The following NUP133 variants were observed in gnomAD, a reference collection of about 807,000 sequenced individuals.
The protein encoded by NUP133 is nucleoporin 133, also known as nuclear pore complex protein Nup133.
A neutral mutation model predicts 146.2 loss-of-function variants in NUP133; 66 were observed. That is an observed-to-expected ratio of 0.45 (90% confidence interval 0.37 to 0.55). The LOEUF (loss-of-function observed/expected upper bound fraction) is 0.55, where lower values mean the gene tolerates loss of function less well. Ranked by LOEUF, NUP133 falls within the 20% of genes least tolerant of loss-of-function variation. The pLI is 0.00. For missense variants in NUP133, 1,277 were observed against 1,374.8 expected, an observed-to-expected ratio of 0.93 and a Z score of 1.12; for synonymous variants, 521 against 498.8, an observed-to-expected ratio of 1.04 and a Z score of -0.59.
intron 12 of NUP133, among the ~76,000 whole-genome samples, chr1:229,481,834 T>C (rs1661219878): frequency 6.6e-6 from 1 of 152,182 alleles, no homozygotes; most frequent in Admixed American, 6.5e-5. Context: ...AGATCCTTTC[T>C]CAGAGCTTTC....
intron 12 of NUP133, among the ~76,000 whole-genome samples, chr1:229,482,721 C>CTG (rs2102771509): frequency 6.6e-6 from 1 of 152,318 alleles, no homozygotes; most frequent in South Asian, 2.1e-4. Context: ...CACGCTCTCA[C>CTG]TACAGCTGGA....
intron 9 of NUP133, among the ~76,000 whole-genome samples, chr1:229,488,296 TAAAC>T (rs1038479244): frequency 1.2e-4 from 19 of 152,302 alleles, no homozygotes; most frequent in East Asian, 3.9e-4. Flanking sequence ...TATTCCCTGA[TAAAC>T]AAACATTTTT....
intron 12 of NUP133, among the ~76,000 whole-genome samples, chr1:229,478,154 A>T (rs1207044291): frequency 2.0e-5 from 3 of 152,194 alleles, no homozygotes; most frequent in African/African-American, 7.2e-5. Flanking sequence ...AAAATAAAAA[A>T]AAAATTTTAA....
chr1:229,464,082 T>C (rs1037660332), intron 18 of NUP133, among the ~76,000 whole-genome samples: 3 of 151,982 alleles, frequency 2.0e-5, no homozygotes, highest in African/African-American at 7.3e-5. Context: ...GAGATGGAGG[T>C]TGCAGTGAGC....
In NUP133 at chr1:229,483,985, AAGT is replaced by A. The variant is rs1215036731; in HGVS notation, c.1592+66_1592+68del. The A allele has an allele frequency of 7.3e-6, 8 of 1,096,132 alleles. No individual in the cohort carries two copies. The East Asian group carries it at 1.9e-4, about 26-fold the overall frequency. 67.9% of individuals were successfully genotyped at this position (1,096,132 alleles called of 1,614,324 possible). ...CTCCAACTTGCTCCCACCAGTCAATAAGTAGCACATGTCAGTAAAACATATCCT... is the reference window on the plus strand; with the variant it reads ...CTCCAACTTGCTCCCACCAGTCAATAAGCACATGTCAGTAAAACATATCCT... On this transcript the variant is annotated intron_variant, in intron 12 of 25. Transcript: ENST00000261396.
chr1:229,496,494 A>C (rs889200296), intron 6 of NUP133, among the ~76,000 whole-genome samples: 10 of 152,100 alleles, frequency 6.6e-5, no homozygotes, highest in Admixed American at 3.9e-4. Flanking sequence ...AACAAAACAA[A>C]CCAGAAATGA....
intron 3 of NUP133, among the ~76,000 whole-genome samples, chr1:229,501,238 A>G (rs1483275868): frequency 6.6e-6 from 1 of 152,186 alleles, no homozygotes; most frequent in African/African-American, 2.4e-5. Context: ...TAGCATGACC[A>G]AAGAGTAATT....
intron 13 of NUP133, among the ~76,000 whole-genome samples, chr1:229,476,928 CA>C (rs745478707): frequency 5.8e-4 from 42 of 72,472 alleles, no homozygotes; most frequent in Admixed American, 5.9e-4. Flanking sequence ...ACCCTGTTTC[CA>C]AAAAAAAAAA....
At chr1:229,492,406 C>T (rs1045293490) in intron 8 of NUP133, among the ~76,000 whole-genome samples, 2 of 152,112 alleles carry the variant, frequency 1.3e-5, no homozygotes, top group Non-Finnish European at 2.9e-5. Context: ...TGCGCCCGGT[C>T]CTATTACTAG....
intron 20 of NUP133, among the ~76,000 whole-genome samples, chr1:229,458,691 G>A (rs1474071223): frequency 3.3e-5 from 5 of 150,648 alleles, no homozygotes; most frequent in Admixed American, 1.3e-4. Flanking sequence ...TTAATGTGAT[G>A]TCAAATCATG....
chr1:229,466,703 G>C lies in NUP133; in HGVS notation c.2130C>G (p.Val710=), dbSNP rs1660835307. 1.2e-6 allele frequency: 2 copies of C among 1,613,708 alleles called. No individual in the cohort carries two copies. The highest frequency in any genetic ancestry group is 2.7e-5 in the African/African-American group (2 of 74,890). The change falls in exon 16 of 26, where the codon GTC becomes GTG. Residue 710 remains valine (V), a synonymous_variant. Coordinates refer to ENST00000261396, the MANE Select transcript of NUP133 (RefSeq NM_018230.3). ...CECLLEHEEQ[V]LRDAPMDSIE... is the part of the protein sequence containing the mutation. The stretch of plus-strand genomic sequence containing the variant: ...TGGAATCCATAGGTGCATCCCTCAA[G>C]ACTTGCTCCTCATGCTCCAGTAAGC...
chr1:229,441,491 C>A lies in NUP133; in HGVS notation c.*413G>T. ...CTAACTGAAACAGATATCAAACACCCTAGATTCTCTTCAGTGCAAAGTATC... is the reference window on the plus strand; with the variant it reads ...CTAACTGAAACAGATATCAAACACCATAGATTCTCTTCAGTGCAAAGTATC... On this transcript the variant is annotated 3_prime_UTR_variant, in exon 26 of 26. Coordinates refer to ENST00000261396, the MANE Select transcript of NUP133 (RefSeq NM_018230.3). 3.8e-6 allele frequency: 2 copies of A among 528,424 alleles called. No individual in the cohort carries two copies. The highest frequency in any genetic ancestry group is 5.5e-5 in the East Asian group (1 of 18,332). 32.7% of individuals were successfully genotyped at this position (528,424 alleles called of 1,614,324 possible).
chr1:229,449,873 ATTTTT>A (rs71281043), intron 23 of NUP133, among the ~76,000 whole-genome samples: 11 of 85,796 alleles, frequency 1.3e-4, no homozygotes, highest in African/African-American at 5.7e-4. Flanking sequence ...ATATATATAT[ATTTTT>A]TTTTTTTTTT....
At chr1:229,507,963 A>G (rs1178681764) in intron 1 of NUP133, 105 bp downstream of exon 1, 3 of 1,302,122 alleles carry the variant, frequency 2.3e-6, no homozygotes, top group Non-Finnish European at 3.0e-6. Flanking sequence ...GTGGCATTCT[A>G]TTCCGCCGCC....
chr1:229,472,707 C>CATATATATATATAT lies in NUP133; in HGVS notation c.1852-1917_1852-1904dup, dbSNP rs372362492. On this transcript the variant is annotated intron_variant, in intron 14 of 25. Coordinates refer to ENST00000261396, the MANE Select transcript of NUP133 (RefSeq NM_018230.3). ...CAAAAAAATTAAAAAACTAAATATACATATATATATATATATATATGTACA... is the reference window on the plus strand; with the variant it reads ...CAAAAAAATTAAAAAACTAAATATACATATATATATATATATATATATATATATATATATGTACA... Among the ~76,000 whole-genome samples, 97 of 124,300 alleles carry CATATATATATATAT rather than the reference C, an allele frequency of 7.8e-4. 4 individuals carry two copies. The highest frequency in any genetic ancestry group is 4.5e-3 in the Middle Eastern group (1 of 222). The allele number at this position is 124,300 out of a possible 152,430, so 81.5% of individuals were successfully genotyped here.
At chr1:229,506,677 C>A (rs534436008) in intron 1 of NUP133, among the ~76,000 whole-genome samples, 1 of 151,686 alleles carries the variant, frequency 6.6e-6, no homozygotes, top group East Asian at 1.9e-4. Context: ...GAGGCCGAAG[C>A]GGGAAGACTG....
intron 15 of NUP133, among the ~76,000 whole-genome samples, chr1:229,468,144 G>A (rs1660866354): frequency 1.3e-5 from 2 of 152,158 alleles, no homozygotes; most frequent in Admixed American, 1.3e-4. Context: ...TGGAGACAGA[G>A]TCAAAGTGGA....
intron 6 of NUP133, 123 bp from the exon 7 acceptor site, chr1:229,496,170 T>C: frequency 1.2e-6 from 1 of 817,972 alleles, no homozygotes. Context: ...TCATTTGGGA[T>C]TTAAAGAAAG....
intron 3 of NUP133, among the ~76,000 whole-genome samples, chr1:229,501,658 T>C (rs1661801022): frequency 6.6e-6 from 1 of 152,244 alleles, no homozygotes; most frequent in South Asian, 2.1e-4. Context: ...TTCTGTCTTC[T>C]CAGAAATACG....
Sources: gnomAD v4.1 joint callset for allele counts (sites outside exome capture counted in the v4.1 genomes callset) on GRCh38, gnomAD v4.1.1 for gene constraint, MANE v1.5 for transcripts, NCBI Gene and HGNC (gene_info 2026-07-23, HGNC 2026-07-21) for gene names.